The following SNAP47 variants were observed in gnomAD, a reference collection of about 807,000 sequenced individuals.
SNAP47 encodes the protein synaptosome associated protein 47.
Under a neutral mutation model 31.4 loss-of-function variants are expected in SNAP47, and 20 were observed. That is an observed-to-expected ratio of 0.64 (90% CI 0.45 to 0.93). SNAP47 has a LOEUF of 0.93. Ranked by LOEUF, SNAP47 falls within the 40% of genes least tolerant of loss-of-function variation. SNAP47 has a pLI of 0.00. For synonymous variants in SNAP47, 194 were observed against 213.4 expected (o/e 0.91, Z 0.79); for missense variants, 492 against 528.5 (o/e 0.93, Z 0.68).
chr1:227,734,352 TAAAAAAAAAAAAAA>T, upstream of SNAP47: 1 of 76,910 alleles, frequency 1.3e-5, no homozygotes, highest in South Asian at 3.3e-4. Context: ...CTAGTCTCTT[TAAAAAAAAAAAAAA>T]AAAAAAAAAA....
chr1:227,752,060 C>T (rs990774405), intron 2 of SNAP47, among the ~76,000 whole-genome samples: 12 of 152,130 alleles, frequency 7.9e-5, no homozygotes, highest in Admixed American at 2.0e-4. Flanking sequence ...CCACCGCGCC[C>T]GGCCAAGACT....
Position 227,744,930 on chromosome 1 carries a change from C to T in SNAP47, c.-45-2762C>T, listed in dbSNP as rs149338846. ...GGGATAGGGGCAGGAGGGAGGGGCTCGCTCACTTGCCTGAGCCCACAGCCT... is the reference window on the plus strand; with the variant it reads ...GGGATAGGGGCAGGAGGGAGGGGCTTGCTCACTTGCCTGAGCCCACAGCCT... On this transcript the variant is annotated intron_variant, in intron 1 of 4. Transcript: ENST00000617596. Among the ~76,000 whole-genome samples, 822 of 152,302 alleles carry T rather than the reference C, an allele frequency of 5.4e-3. 3 individuals are homozygous for T. The highest frequency in any genetic ancestry group is 8.1e-3 in the Non-Finnish European group (551 of 68,018).
chr1:227,759,620 C>T (rs936987429), intron 3 of SNAP47, 135 bp downstream of exon 3: 37 of 1,192,810 alleles, frequency 3.1e-5, no homozygotes, highest in Non-Finnish European at 4.4e-5. Context: ...AGAGACAGCT[C>T]GTTTGTTTAT....
At chr1:227,766,332 T>G (rs1477332588) in intron 3 of SNAP47, among the ~76,000 whole-genome samples, 1 of 152,234 alleles carries the variant, frequency 6.6e-6, no homozygotes, top group Non-Finnish European at 1.5e-5. Flanking sequence ...AAGGCTGCTG[T>G]TGAAGCTGCT....
rs1302187746 is a variant in SNAP47, at chr1:227,759,034, TAGCTCC to T, written c.539_544del (p.Ser180_Ser181del). On this transcript the variant is annotated inframe_deletion, in exon 3 of 5. Transcript: ENST00000617596. ...TGGAATCTCCTGCTTGGTGGCCCTT[TAGCTCC>T]AAGCTTTGGAAGACACCACCGGAAA... is the stretch of plus-strand genomic sequence containing the variant. The T allele has an allele frequency of 6.2e-7, 1 of 1,611,248 alleles. No individual in the cohort carries two copies. Among genetic ancestry groups the T allele is most frequent in the Non-Finnish European group, 8.5e-7 (1 of 1,179,032 alleles).
chr1:227,748,532 C>T (rs1377017698), intron 2 of SNAP47, among the ~76,000 whole-genome samples: 1 of 152,270 alleles, frequency 6.6e-6, no homozygotes, highest in African/African-American at 2.4e-5. Flanking sequence ...TGAGTCCACA[C>T]CCAGCAAGCA....
Position 227,774,958 on chromosome 1 carries a change from T to C in SNAP47, c.1114-5569T>C, listed in dbSNP as rs12079707. 3.0e-4 allele frequency among the ~76,000 whole-genome samples: 45 copies of C among 152,346 alleles called. 1 individual carries two copies. Among genetic ancestry groups the C allele is most frequent in the East Asian group, 2.9e-3 (15 of 5,178 alleles). On this transcript the variant is annotated intron_variant, in intron 4 of 4. Transcript: ENST00000617596. ...GCTCCTTGCTCTGCATGGCGTTTCC[T>C]GTGCACGCCTGGAGTGAGCTCAGCT...
chr1:227,771,986 A>G (rs1398823164), intron 4 of SNAP47, among the ~76,000 whole-genome samples: 1 of 152,100 alleles, frequency 6.6e-6, no homozygotes, highest in Non-Finnish European at 1.5e-5. Flanking sequence ...GCACCAGCTG[A>G]ACAGGTCAAG....
Position 227,738,467 on chromosome 1 carries a change from C to T in SNAP47, c.-46+2968C>T, listed in dbSNP as rs118097077. ...CCCCCAGTCCTTGCCTATACGTTCA[C>T]GCACATGTATGCACACACACTCACA... On this transcript the variant is annotated intron_variant, in intron 1 of 4. Coordinates refer to ENST00000617596, the MANE Select transcript of SNAP47 (RefSeq NM_053052.4). 4.6e-3 allele frequency among the ~76,000 whole-genome samples: 697 copies of T among 152,258 alleles called. 17 individuals carry two copies. The South Asian group carries it at 0.055, about 12-fold the overall frequency.
chr1:227,766,401 C>T (rs1018874820), intron 3 of SNAP47, among the ~76,000 whole-genome samples: 5 of 152,238 alleles, frequency 3.3e-5, no homozygotes, highest in African/African-American at 4.8e-5. Flanking sequence ...TTCTGCGGAG[C>T]GAGACTGCCT....
In SNAP47 at chr1:227,765,855, C is replaced by T. The variant is rs146005924; in HGVS notation, c.989-1104C>T. Among the ~76,000 whole-genome samples, 171 of 152,202 alleles carry T rather than the reference C, an allele frequency of 1.1e-3. 1 individual carries two copies. The highest frequency in any genetic ancestry group is 3.9e-3 in the African/African-American group (160 of 41,506). ...CCTTCTCTGCTCAGCCGGGTGCTGT[C>T]AGGGAGGGTGAGCTTGTCAGGATCA... On this transcript the variant is annotated intron_variant, in intron 3 of 4. Transcript: ENST00000617596.
At chr1:227,733,801 C>G, upstream of SNAP47, 1 of 1,582,426 alleles carries the variant, frequency 6.3e-7, no homozygotes, top group Non-Finnish European at 8.6e-7. Context: ...GGATGGCACC[C>G]ACTGTGAGGC....
chr1:227,728,238 T>G (rs1660437292), upstream of SNAP47, among the ~76,000 whole-genome samples: 1 of 152,086 alleles, frequency 6.6e-6, no homozygotes, highest in Admixed American at 6.5e-5. Flanking sequence ...CTCCTGCACC[T>G]GCAGGGTTCG....
At chr1:227,742,538 T>A (rs1316165868) in intron 1 of SNAP47, among the ~76,000 whole-genome samples, 1 of 152,208 alleles carries the variant, frequency 6.6e-6, no homozygotes, top group African/African-American at 2.4e-5. Flanking sequence ...ACAGGACTTC[T>A]CCGGGGAGGT....
upstream of SNAP47, chr1:227,732,452 T>A: frequency 2.5e-6 from 4 of 1,613,232 alleles, no homozygotes; most frequent in Non-Finnish European, 3.4e-6. Flanking sequence ...CTTTGGGCTG[T>A]GGTGAGAACG....
intron 4 of SNAP47, among the ~76,000 whole-genome samples, chr1:227,767,350 CACCCA>C (rs1184601540): frequency 6.6e-6 from 1 of 152,240 alleles, no homozygotes; most frequent in Non-Finnish European, 1.5e-5. Context: ...CTACCACCTG[CACCCA>C]TTGTACATGT....
chr1:227,767,556 TTGTG>T (rs755165045), intron 4 of SNAP47, among the ~76,000 whole-genome samples: 1 of 151,482 alleles, frequency 6.6e-6, no homozygotes, highest in Non-Finnish European at 1.5e-5. Context: ...CATGTGTGTG[TTGTG>T]TGTGTTGTGT....
upstream of SNAP47, chr1:227,734,025 G>C (rs1055805994): frequency 6.2e-7 from 1 of 1,613,222 alleles, no homozygotes; most frequent in Non-Finnish European, 8.5e-7. Flanking sequence ...TCCTCCACCG[G>C]AAAGTCCCTG....
chr1:227,735,368 C>T (rs200470754), upstream of SNAP47: 1 of 1,591,092 alleles, frequency 6.3e-7, no homozygotes, highest in Non-Finnish European at 8.5e-7. Context: ...CAGGGCGCCG[C>T]GTTTCTGCCC....
Sources: gnomAD v4.1 joint callset for allele counts (sites outside exome capture counted in the v4.1 genomes callset) on GRCh38, gnomAD v4.1.1 for gene constraint, MANE v1.5 for transcripts, NCBI Gene and HGNC (gene_info 2026-07-23, HGNC 2026-07-21) for gene names.